Variants in SHTN1 observed in about 807,000 individuals in gnomAD.
SHTN1 encodes shootin 1.
In SHTN1, 42 loss-of-function variants were observed where a neutral mutation model predicts 83.1. The ratio of observed to expected loss-of-function variants is 0.51; its 90% CI spans 0.39 to 0.65. The LOEUF is 0.65. Ranked by LOEUF, SHTN1 falls within the 30% of genes least tolerant of loss-of-function variation. The pLI, the probability that SHTN1 is intolerant of heterozygous loss-of-function variation, is 0.00. For synonymous variants in SHTN1, 224 were observed against 247.7 expected, an observed-to-expected ratio of 0.90 and a Z score of 0.90; for missense variants, 622 against 737.8, an observed-to-expected ratio of 0.84 and a Z score of 1.82.
intron 1 of SHTN1, among the ~76,000 whole-genome samples, chr10:117,058,789 C>T (rs946582897): frequency 2.6e-5 from 4 of 152,190 alleles, no homozygotes; most frequent in Admixed American, 2.0e-4. Context: ...TATATACATA[C>T]AGTGGAATAC....
intron 1 of SHTN1, among the ~76,000 whole-genome samples, chr10:117,064,299 G>A (rs933497416): frequency 2.6e-5 from 4 of 152,190 alleles, no homozygotes; most frequent in African/African-American, 9.6e-5. Flanking sequence ...CCAAGAAAGG[G>A]AGTTTAATCC....
intron 2 of SHTN1, among the ~76,000 whole-genome samples, chr10:117,044,215 G>C (rs1852628585): frequency 6.6e-6 from 1 of 152,050 alleles, no homozygotes; most frequent in South Asian, 2.1e-4. Context: ...TCCTGGAAAT[G>C]TTAATACATA....
At chr10:117,001,892 T>C (rs1474775937) in intron 1 of SHTN1, among the ~76,000 whole-genome samples, 1 of 151,954 alleles carries the variant, frequency 6.6e-6, no homozygotes, top group African/African-American at 2.4e-5. Flanking sequence ...TAAAAAAAAA[T>C]CACTAAGGAA....
intron 1 of SHTN1, among the ~76,000 whole-genome samples, chr10:117,120,381 G>A (rs1446039903): frequency 6.6e-6 from 1 of 151,754 alleles, no homozygotes; most frequent in Admixed American, 6.6e-5. Flanking sequence ...CTGAGTAGCT[G>A]GGACTACAGG....
chr10:117,047,119 C>A (rs1159204123), intron 2 of SHTN1, among the ~76,000 whole-genome samples: 3 of 152,140 alleles, frequency 2.0e-5, no homozygotes, highest in Non-Finnish European at 4.4e-5. Flanking sequence ...GGCTGGAGTG[C>A]AGTGGCACGA....
At chr10:117,061,299 C>T (rs1032579366) in intron 1 of SHTN1, among the ~76,000 whole-genome samples, 16 of 147,992 alleles carry the variant, frequency 1.1e-4, no homozygotes, top group Middle Eastern at 4.1e-3. Flanking sequence ...CGCGTTCAAG[C>T]GATTCTCCTG....
At chr10:117,104,787 C>T (rs932098792) in intron 1 of SHTN1, among the ~76,000 whole-genome samples, 11 of 151,928 alleles carry the variant, frequency 7.2e-5, no homozygotes, top group Admixed American at 4.6e-4. Context: ...ACAACAACAA[C>T]AAAAATTTTA....
chr10:116,929,684 T>C (rs719012), intron 10 of SHTN1, among the ~76,000 whole-genome samples, 165 bp downstream of exon 10: 89,187 of 152,080 alleles, frequency 0.59, 29,835 homozygotes, highest in Middle Eastern at 0.76. Context: ...GCAGCTATTC[T>C]ACTGAATTGC....
chr10:117,106,133 G>A (rs1414017984), intron 1 of SHTN1, among the ~76,000 whole-genome samples: 1 of 150,726 alleles, frequency 6.6e-6, no homozygotes, highest in Non-Finnish European at 1.5e-5. Flanking sequence ...ATAAAAAAAA[G>A]ATACCAGATC....
At chr10:117,109,256 C>T (rs1564962214) in intron 1 of SHTN1, among the ~76,000 whole-genome samples, 1 of 152,050 alleles carries the variant, frequency 6.6e-6, no homozygotes, top group Non-Finnish European at 1.5e-5. Context: ...TTGGGTGATT[C>T]TAGTATGTAG....
intron 1 of SHTN1, among the ~76,000 whole-genome samples, chr10:117,109,063 G>A (rs1183309281): frequency 6.6e-6 from 1 of 152,192 alleles, no homozygotes; most frequent in Non-Finnish European, 1.5e-5. Flanking sequence ...TGATACTGAT[G>A]CACACTAAAG....
chr10:116,895,915 C>T (rs936491344), intron 16 of SHTN1, among the ~76,000 whole-genome samples: 8 of 152,088 alleles, frequency 5.3e-5, no homozygotes, highest in Non-Finnish European at 7.4e-5. Context: ...AACAAAAGCA[C>T]CTTGCTTAAT....
At position 116,882,393 on chromosome 10, in the gene SHTN1, A is replaced by G. The variant is rs1481299175; in HGVS notation, c.*3951T>C. The G allele has an allele frequency of 7.5e-6, 1 of 134,010 alleles. No individual in the cohort carries two copies. Among genetic ancestry groups the G allele is most frequent in the Non-Finnish European group, 1.6e-5 (1 of 63,830 alleles). 8.3% of individuals were successfully genotyped at this position (134,010 alleles called of 1,614,324 possible). A position where few individuals can be genotyped will look rare whatever the true frequency, so the allele number is the denominator to read the frequency against. On this transcript the variant is annotated 3_prime_UTR_variant, in exon 17 of 17. Coordinates refer to ENST00000355371, the MANE Select transcript of SHTN1 (RefSeq NM_001127211.3). ...CACAGCATTTAAAAAGCAATCCGCAAGTGATAAAAAAAAAAAAAAAAAATG... is the reference window on the plus strand; with the variant it reads ...CACAGCATTTAAAAAGCAATCCGCAGGTGATAAAAAAAAAAAAAAAAAATG...
At chr10:116,939,625 T>C (rs143340085) in intron 9 of SHTN1, among the ~76,000 whole-genome samples, 161 of 152,316 alleles carry the variant, frequency 1.1e-3, no homozygotes, top group Admixed American at 1.2e-3. Context: ...AGCCACCATA[T>C]ATCAACATTT....
intron 1 of SHTN1, among the ~76,000 whole-genome samples, chr10:117,099,618 TTAAAA>T (rs1389428720): frequency 6.6e-6 from 1 of 152,090 alleles, no homozygotes; most frequent in Non-Finnish European, 1.5e-5. Flanking sequence ...CCCAAATTAA[TTAAAA>T]TAAAATAAAT....
At chr10:116,958,781 G>A (rs569599376) in intron 4 of SHTN1, among the ~76,000 whole-genome samples, 1 of 152,178 alleles carries the variant, frequency 6.6e-6, no homozygotes, top group African/African-American at 2.4e-5. Context: ...AGTCCATCAT[G>A]TCATTTAAGA....
intron 1 of SHTN1, among the ~76,000 whole-genome samples, chr10:117,086,028 C>A (rs1251505574): frequency 6.8e-6 from 1 of 148,002 alleles, no homozygotes; most frequent in Non-Finnish European, 1.5e-5. Flanking sequence ...TCAAGCGATT[C>A]TCCTGCCTCA....
chr10:116,968,821 A>T, intron 2 of SHTN1, 109 bp from the exon 3 acceptor site: 1 of 803,836 alleles, frequency 1.2e-6, no homozygotes. Flanking sequence ...AAAACAAAAC[A>T]AAATTTAAAA....
At chr10:116,963,898 G>A (rs184668045) in intron 3 of SHTN1, among the ~76,000 whole-genome samples, 4 of 151,510 alleles carry the variant, frequency 2.6e-5, no homozygotes, top group Admixed American at 6.6e-5. Context: ...AGCGAAGTTT[G>A]TCTCTCTTCA....
Sources: gnomAD v4.1 joint callset for allele counts (sites outside exome capture counted in the v4.1 genomes callset) on GRCh38, gnomAD v4.1.1 for gene constraint, MANE v1.5 for transcripts, NCBI Gene and HGNC (gene_info 2026-07-23, HGNC 2026-07-21) for gene names.